The following CATSPERD variants were observed in gnomAD, a reference collection of about 807,000 sequenced individuals.
The protein encoded by CATSPERD is catsper channel auxiliary subunit delta.
In CATSPERD, 86 loss-of-function variants were observed where a neutral mutation model predicts 98.1. That is an observed-to-expected ratio of 0.88 (90% CI 0.74 to 1.05). The LOEUF (loss-of-function observed/expected upper bound fraction) is 1.05. CATSPERD is among the 50% of genes least tolerant of loss of function. CATSPERD has a pLI of 0.00. For synonymous variants in CATSPERD, 394 were observed against 390.2 expected, an observed-to-expected ratio of 1.01 and a Z score of -0.12; for missense variants, 995 against 1,005.7, an observed-to-expected ratio of 0.99 and a Z score of 0.14.
chr19:5,737,591 T>C lies in CATSPERD; in HGVS notation c.459+386T>C, dbSNP rs1910735957. The stretch of plus-strand genomic sequence containing the variant: ...AAGACTGGGCATGGTGGCTCATGCC[T>C]GTAGTAATCTAGCATTTTGGGAGGC... On this transcript the variant is annotated intron_variant, in intron 6 of 21. Coordinates refer to ENST00000381624, the MANE Select transcript of CATSPERD (RefSeq NM_152784.4). 4.2e-5 allele frequency among the ~76,000 whole-genome samples: 6 copies of C among 142,930 alleles called. No individual in the cohort carries two copies. The South Asian group carries it at 1.3e-3, about 32-fold the overall frequency. 93.8% of individuals were successfully genotyped at this position (142,930 alleles called of 152,430 possible).
chr19:5,760,810 G>A (rs769324247), intron 15 of CATSPERD, among the ~76,000 whole-genome samples: 60 of 152,010 alleles, frequency 3.9e-4, no homozygotes, highest in Non-Finnish European at 7.6e-4. Context: ...CAACTCAGGA[G>A]ACTGAGGCAG....
At chr19:5,759,952 C>A (rs1289065436) in intron 15 of CATSPERD, among the ~76,000 whole-genome samples, 1 of 149,978 alleles carries the variant, frequency 6.7e-6, no homozygotes, top group Non-Finnish European at 1.5e-5. Context: ...TGGTATGCGC[C>A]TGTAATCCCA....
rs546434911 is a variant in CATSPERD at position 5,724,062 on chromosome 19, G to A, written c.72-746G>A. Among the ~76,000 whole-genome samples, 21 of 152,106 alleles carry A rather than the reference G, an allele frequency of 1.4e-4. No individual in the cohort carries two copies. The South Asian group carries it at 4.4e-3, about 32-fold the overall frequency. ...CCCGCTTTGGCCTCCCAAAGTGCTG[G>A]GATTACAGGTGTGAGCCACCGTGCC... On this transcript the variant is annotated intron_variant, in intron 1 of 21. Coordinates refer to ENST00000381624, the MANE Select transcript of CATSPERD (RefSeq NM_152784.4).
rs1421382557 is a variant in CATSPERD, at chr19:5,741,799, TG to T, written c.573+2362del. Among the ~76,000 whole-genome samples, 21 of 15,490 alleles carry T rather than the reference TG, an allele frequency of 1.4e-3. 4 individuals are homozygous for T. The highest frequency in any genetic ancestry group is 2.1e-3 in the Non-Finnish European group (12 of 5,692). 10.2% of individuals were successfully genotyped at this position (15,490 alleles called of 152,430 possible). ...GATGCTGAAGGCGGGGGGGGGGGGG[TG>T]GTGTGGATCACTTGAGGTCAGGAGT... On this transcript the variant is annotated intron_variant, in intron 7 of 21. Transcript: ENST00000381624.
chr19:5,737,546 CAAA>C (rs35730088), intron 6 of CATSPERD, among the ~76,000 whole-genome samples: 8 of 69,394 alleles, frequency 1.2e-4, no homozygotes, highest in South Asian at 5.1e-4. Flanking sequence ...AAGACTCTGT[CAAA>C]AAAAAAAAAA....
At chr19:5,748,293 G>C (rs2056134830) in intron 10 of CATSPERD, 38 bp downstream of exon 10, 6 of 1,579,296 alleles carry the variant, frequency 3.8e-6, no homozygotes, top group Non-Finnish European at 5.2e-6. Flanking sequence ...GAAATATTTA[G>C]ACCTGGCTTA....
intron 4 of CATSPERD, among the ~76,000 whole-genome samples, chr19:5,731,166 T>C (rs999392163): frequency 2.0e-5 from 3 of 151,424 alleles, no homozygotes; most frequent in Non-Finnish European, 4.4e-5. Flanking sequence ...TGAGAAATTA[T>C]ACCATCGACA....
chr19:5,738,653 G>A lies in CATSPERD; in HGVS notation c.460-673G>A, dbSNP rs548495349. Among the ~76,000 whole-genome samples the A allele has an allele frequency of 4.6e-5, 7 of 152,192 alleles. No homozygotes were observed. In the South Asian group the frequency reaches 8.3e-4, roughly 18 times the overall value. ...GGGTAGAGTGCAGTGGCGCAATCTC[G>A]GCTCATTGCAACCTCCGCCTCCCAG... is the stretch of plus-strand genomic sequence containing the variant. On this transcript the variant is annotated intron_variant, in intron 6 of 21. Transcript: ENST00000381624.
At chr19:5,778,097 C>T (rs1261836305) in intron 21 of CATSPERD, among the ~76,000 whole-genome samples, 1 of 150,468 alleles carries the variant, frequency 6.6e-6, no homozygotes, top group Non-Finnish European at 1.5e-5. Flanking sequence ...ATCCCAGATA[C>T]TTGGGAGGCT....
intron 20 of CATSPERD, chr19:5,775,098 C>T: frequency 2.8e-6 from 1 of 358,618 alleles, no homozygotes; most frequent in East Asian, 8.7e-5. Context: ...CCAGGAAGGC[C>T]TGAAAGCAGG....
At position 5,733,357 on chromosome 19, in the gene CATSPERD, TTCCCTC is replaced by T. The variant is rs1357588151; in HGVS notation, c.277-498_277-493del. Among the ~76,000 whole-genome samples the T allele has an allele frequency of 3.5e-5, 5 of 141,536 alleles. No individual in the cohort carries two copies. The East Asian group carries it at 1.1e-3, about 30-fold the overall frequency. 92.9% of individuals were successfully genotyped at this position (141,536 alleles called of 152,430 possible). On this transcript the variant is annotated intron_variant, in intron 4 of 21. Transcript: ENST00000381624. ...TTTCCTTTCTTTCTTTCTTCCTTCC[TTCCCTC>T]CTTCCTTCCTTCCCTCCCTCTCTGC...
intron 17 of CATSPERD, among the ~76,000 whole-genome samples, chr19:5,767,249 G>A (rs1395422621): frequency 7.1e-6 from 1 of 140,596 alleles, no homozygotes; most frequent in Non-Finnish European, 1.5e-5. Flanking sequence ...CCCAGGAGGC[G>A]GAACTTGAAG....
rs1403495517 is a variant in CATSPERD at position 5,729,938 on chromosome 19, A to G, written c.270A>G (p.Ser90=). ...TSLLPFTIPT[S]MQVGVPEVTS... is the part of the protein sequence containing the mutation. ...TCCTTCCATTTACCATCCCTACATC[A>G]ATGCAGGTAGTTATTTTACTGAGTG... The change falls in exon 4 of 22, where the codon TCA becomes TCG. Residue 90 remains serine, a synonymous_variant. Coordinates refer to ENST00000381624, the MANE Select transcript of CATSPERD (RefSeq NM_152784.4). 1 of 1,564,040 alleles carries G rather than the reference A, an allele frequency of 6.4e-7. No homozygotes were observed. The highest frequency in any genetic ancestry group is 8.8e-7 in the Non-Finnish European group (1 of 1,138,442).
chr19:5,759,566 CAAAAAA>C (rs35459854), intron 15 of CATSPERD, among the ~76,000 whole-genome samples: 1 of 84,032 alleles, frequency 1.2e-5, no homozygotes, highest in Non-Finnish European at 2.4e-5. Flanking sequence ...ACTCCAGCTC[CAAAAAA>C]AAAAAAAAAA....
At chr19:5,740,010 G>A (rs572024060) in intron 7 of CATSPERD, among the ~76,000 whole-genome samples, 6 of 152,144 alleles carry the variant, frequency 3.9e-5, no homozygotes, top group Non-Finnish European at 5.9e-5. Flanking sequence ...GGCCAGGTGC[G>A]GTGCCTCACG....
chr19:5,755,438 C>T (rs1039311591), intron 13 of CATSPERD, among the ~76,000 whole-genome samples: 1 of 152,072 alleles, frequency 6.6e-6, no homozygotes, highest in Admixed American at 6.6e-5. Context: ...AGTACTGATA[C>T]AGCCTTTCTG....
intron 12 of CATSPERD, among the ~76,000 whole-genome samples, chr19:5,753,005 G>A (rs1242050524): frequency 6.6e-6 from 1 of 150,462 alleles, no homozygotes; most frequent in Admixed American, 6.7e-5. Context: ...TCCAGCCTGG[G>A]TGATGGAGTG....
At chr19:5,737,305 A>T in intron 6 of CATSPERD, 100 bp downstream of exon 6, 5 of 771,190 alleles carry the variant, frequency 6.5e-6, no homozygotes, top group Non-Finnish European at 1.1e-5. Flanking sequence ...TCATACCTGT[A>T]ATCCCAGCAC....
intron 13 of CATSPERD, 109 bp from the exon 14 acceptor site, chr19:5,757,734 C>G (rs1473275948): frequency 1.3e-6 from 1 of 759,050 alleles, no homozygotes; most frequent in Non-Finnish European, 2.1e-6. Flanking sequence ...AGCCACTACA[C>G]CCAGCCCTGA....
Sources: gnomAD v4.1 joint callset for allele counts (sites outside exome capture counted in the v4.1 genomes callset) on GRCh38, gnomAD v4.1.1 for gene constraint, MANE v1.5 for transcripts, NCBI Gene and HGNC (gene_info 2026-07-23, HGNC 2026-07-21) for gene names.